The following FOXK1 variants were observed in gnomAD, a reference collection of about 807,000 sequenced individuals.
FOXK1 encodes forkhead box K1.
In FOXK1, 19 loss-of-function variants were observed where a neutral mutation model predicts 51.9. That is an observed-to-expected ratio of 0.37 (90% CI 0.26 to 0.54). The LOEUF (loss-of-function observed/expected upper bound fraction) is 0.54, where lower values mean the gene tolerates loss of function less well. FOXK1 is among the 20% of genes least tolerant of loss of function. FOXK1 has a pLI of 0.87. For missense variants in FOXK1, 870 were observed against 1,032.7 expected (o/e 0.84, Z 2.16); for synonymous variants, 537 against 482.6 (o/e 1.11, Z -1.48).
In FOXK1 at chr7:4,703,814, TAG is replaced by T. The variant is rs1363517862; in HGVS notation, c.560+20952_560+20953del. Among the ~76,000 whole-genome samples, 3 of 152,034 alleles carry T rather than the reference TAG, an allele frequency of 2.0e-5. No individual in the cohort carries two copies. The highest frequency in any genetic ancestry group is 6.6e-5 in the Admixed American group (1 of 15,260). Reference sequence around the variant, plus strand: ...GGGAATCGCAGCCTGCCGAGAGCTTTAGAGAGACTCCCCTAACCATGATTTAA... The same window carrying T: ...GGGAATCGCAGCCTGCCGAGAGCTTTAGAGACTCCCCTAACCATGATTTAA... On this transcript the variant is annotated intron_variant, in intron 1 of 8. Coordinates refer to ENST00000328914, the MANE Select transcript of FOXK1 (RefSeq NM_001037165.2). This position sits in a 1 kb window ranked among gnomAD's most constrained non-coding sequence, Gnocchi z 5.6.
In FOXK1 at chr7:4,719,170, C is replaced by G. The variant is rs144182888; in HGVS notation, c.561-21668C>G. 3.1e-4 allele frequency among the ~76,000 whole-genome samples: 47 copies of G among 149,332 alleles called. 1 individual carries two copies. The East Asian group carries it at 8.7e-3, about 28-fold the overall frequency. On this transcript the variant is annotated intron_variant, in intron 1 of 8. Transcript: ENST00000328914. ...TTTGTTTTTGAGACAGGGTCTCACT[C>G]TGTTGCCCAGCTGGAGTGCGATGGC...
chr7:4,704,831 A>ATTTTTTTTTTTTTTTTTT (rs1780063109), intron 1 of FOXK1, among the ~76,000 whole-genome samples: 1 of 111,980 alleles, frequency 8.9e-6, no homozygotes, highest in African/African-American at 6.2e-5. Flanking sequence ...TCTATGTTTC[A>ATTTTTTTTTTTTTTTTTT]TTCTTTTTTT....
chr7:4,695,412 C>T (rs966658087), intron 1 of FOXK1, among the ~76,000 whole-genome samples: 1 of 152,148 alleles, frequency 6.6e-6, no homozygotes, highest in African/African-American at 2.4e-5. Flanking sequence ...ATCAGGGATG[C>T]CATGGCGAGT....
intron 1 of FOXK1, among the ~76,000 whole-genome samples, chr7:4,693,808 C>A (rs1039576550): frequency 6.6e-6 from 1 of 152,114 alleles, no homozygotes; most frequent in Non-Finnish European, 1.5e-5. Flanking sequence ...CTCAAGTGAT[C>A]CTCTAGCCTC....
At chr7:4,696,442 G>T (rs531297477) in intron 1 of FOXK1, among the ~76,000 whole-genome samples, 2 of 152,294 alleles carry the variant, frequency 1.3e-5, no homozygotes, top group African/African-American at 4.8e-5. Context: ...CGCGTGACAT[G>T]TCTGTCGTCT....
rs568983334 is a variant in FOXK1, at chr7:4,749,956, C to A, written c.747-4503C>A. On this transcript the variant is annotated intron_variant, in intron 2 of 8. Coordinates refer to ENST00000328914, the MANE Select transcript of FOXK1 (RefSeq NM_001037165.2). The surrounding 1 kb of genome is among the most constrained non-coding windows in gnomAD (Gnocchi z 6.0). The stretch of plus-strand genomic sequence containing the variant: ...CCTGCACTGGCATGTCCTGGGTGGT[C>A]CCAGTGGCACCTTCTAGGCCCGGCC... 6.6e-6 allele frequency among the ~76,000 whole-genome samples: 1 copy of A among 152,346 alleles called. No individual in the cohort carries two copies. Among genetic ancestry groups the A allele is most frequent in the Admixed American group, 6.5e-5 (1 of 15,308 alleles).
chr7:4,723,105 C>T lies in FOXK1; in HGVS notation c.561-17733C>T, dbSNP rs779680900. ...CCAAGCCTGTTGACGATGATGGTAA[C>T]GGCACCGTGCTCACTCCAACGCCGT... On this transcript the variant is annotated intron_variant, in intron 1 of 8. Coordinates refer to ENST00000328914, the MANE Select transcript of FOXK1 (RefSeq NM_001037165.2). The surrounding 1 kb of genome is among the most constrained non-coding windows in gnomAD (Gnocchi z 4.7). Among the ~76,000 whole-genome samples the T allele has an allele frequency of 2.0e-5, 3 of 152,024 alleles. No individual in the cohort carries two copies. Among genetic ancestry groups the T allele is most frequent in the Non-Finnish European group, 2.9e-5 (2 of 67,998 alleles).
At chr7:4,698,591 C>T (rs1779981624) in intron 1 of FOXK1, among the ~76,000 whole-genome samples, 1 of 152,092 alleles carries the variant, frequency 6.6e-6, no homozygotes, top group Admixed American at 6.6e-5. Flanking sequence ...CTCCCTGTGC[C>T]ACCCAGGCCG....
chr7:4,754,800 AT>A, intron 3 of FOXK1, 185 bp downstream of exon 3: 1 of 751,020 alleles, frequency 1.3e-6, no homozygotes, highest in Non-Finnish European at 2.1e-6. Context: ...TGCCCAAATC[AT>A]CCCCGTTGGT....
At position 4,723,032 on chromosome 7, in the gene FOXK1, A is replaced by G. The variant is rs1225240415; in HGVS notation, c.561-17806A>G. 6.6e-6 allele frequency among the ~76,000 whole-genome samples: 1 copy of G among 152,066 alleles called. No homozygotes were observed. Among genetic ancestry groups the G allele is most frequent in the East Asian group, 1.9e-4 (1 of 5,184 alleles). ...CAAGAGGCAGCGCTGGGTTCAGATC[A>G]CCACACAACCTGTATCAGCTTGTGA... is the stretch of plus-strand genomic sequence containing the variant. On this transcript the variant is annotated intron_variant, in intron 1 of 8. Transcript: ENST00000328914. The surrounding 1 kb of genome is among the most constrained non-coding windows in gnomAD (Gnocchi z 4.7).
chr7:4,736,476 G>A lies in FOXK1; in HGVS notation c.561-4362G>A, dbSNP rs1780553977. On this transcript the variant is annotated intron_variant, in intron 1 of 8. Coordinates refer to ENST00000328914, the MANE Select transcript of FOXK1 (RefSeq NM_001037165.2). ...TGCCCAGGCTGGAGTGCAGTGGTGC[G>A]TTCTCAGCTCACTGACATGGCCGCC... Among the ~76,000 whole-genome samples, 3 of 150,336 alleles carry A rather than the reference G, an allele frequency of 2.0e-5. No homozygotes were observed. In the South Asian group the frequency reaches 6.3e-4, roughly 31 times the overall value.
rs1331244570 is a variant in FOXK1, at chr7:4,711,962, C to G, written c.561-28876C>G. On this transcript the variant is annotated intron_variant, in intron 1 of 8. Coordinates refer to ENST00000328914, the MANE Select transcript of FOXK1 (RefSeq NM_001037165.2). The surrounding 1 kb of genome is among the most constrained non-coding windows in gnomAD (Gnocchi z 6.3). ...GGGAGGGGCAGAGGGCAGGTGCCGC[C>G]GAGCAGGAGGGAGGACGCGGCAGGT... is the stretch of plus-strand genomic sequence containing the variant. Among the ~76,000 whole-genome samples the G allele has an allele frequency of 1.3e-5, 2 of 151,748 alleles. No homozygotes were observed. Among genetic ancestry groups the G allele is most frequent in the South Asian group, 4.1e-4 (2 of 4,824 alleles).
At position 4,763,319 on chromosome 7, in the gene FOXK1, C is replaced by T. The variant is rs1003268366; in HGVS notation, c.*855C>T. The stretch of plus-strand genomic sequence containing the variant: ...GCCGCAGACATCGCGCTGCTGGGGA[C>T]GATTGGGGCCGCTGCTCTGCAGACC... On this transcript the variant is annotated 3_prime_UTR_variant, in exon 9 of 9. Coordinates refer to ENST00000328914, the MANE Select transcript of FOXK1 (RefSeq NM_001037165.2). The T allele has an allele frequency of 3.9e-5, 6 of 152,224 alleles. No individual in the cohort carries two copies. The highest frequency in any genetic ancestry group is 6.5e-5 in the Admixed American group (1 of 15,282). 9.4% of individuals were successfully genotyped at this position (152,224 alleles called of 1,614,324 possible).
chr7:4,747,687 C>G lies in FOXK1; in HGVS notation c.746+6664C>G, dbSNP rs1780723311. On this transcript the variant is annotated intron_variant, in intron 2 of 8. Transcript: ENST00000328914. The surrounding 1 kb of genome is among the most constrained non-coding windows in gnomAD (Gnocchi z 9.2). ...AGTAGCTAGGACTACAGGCACCCACCACCACACACACCCAGCTCATTTTTT... is the reference window on the plus strand; with the variant it reads ...AGTAGCTAGGACTACAGGCACCCACGACCACACACACCCAGCTCATTTTTT... Among the ~76,000 whole-genome samples the G allele has an allele frequency of 6.6e-6, 1 of 151,130 alleles. No homozygotes were observed. The highest frequency in any genetic ancestry group is 1.5e-5 in the Non-Finnish European group (1 of 67,890).
At position 4,758,113 on chromosome 7, in the gene FOXK1, G is replaced by C. The variant is rs938748222; in HGVS notation, c.1244+926G>C. 4.6e-5 allele frequency: 7 copies of C among 152,316 alleles called. No homozygotes were observed. Among genetic ancestry groups the C allele is most frequent in the African/African-American group, 1.7e-4 (7 of 41,482 alleles). 9.4% of individuals were successfully genotyped at this position (152,316 alleles called of 1,614,324 possible). A position where few individuals can be genotyped will look rare whatever the true frequency, so the allele number is the denominator to read the frequency against. On this transcript the variant is annotated intron_variant, in intron 5 of 8. Transcript: ENST00000328914. The surrounding 1 kb of genome is among the most constrained non-coding windows in gnomAD (Gnocchi z 4.4). ...TGGTAGCACTAAGCTTTCTGTTGCA[G>C]TGTGTGAGAGGACCCGGGGAGAGCC...
chr7:4,759,910 A>T (rs1780909278), intron 7 of FOXK1: 2 of 432,148 alleles, frequency 4.6e-6, no homozygotes, highest in Non-Finnish European at 8.3e-6. Context: ...GCGCTCCTGT[A>T]GTCCCAGCTA....
chr7:4,706,407 C>T (rs1310030623), intron 1 of FOXK1, among the ~76,000 whole-genome samples: 1 of 152,182 alleles, frequency 6.6e-6, no homozygotes, highest in Non-Finnish European at 1.5e-5. Context: ...TCCAGCTAAA[C>T]AGCAAGGGGA....
intron 1 of FOXK1, among the ~76,000 whole-genome samples, chr7:4,724,591 G>C (rs1382061340): frequency 6.6e-6 from 1 of 152,234 alleles, no homozygotes; most frequent in African/African-American, 2.4e-5. Context: ...TCAGGGGTCT[G>C]TGCCTCGTTG....
chr7:4,756,159 G>T lies in FOXK1; in HGVS notation c.1050+776G>T, dbSNP rs555764915. On this transcript the variant is annotated intron_variant, in intron 4 of 8. Coordinates refer to ENST00000328914, the MANE Select transcript of FOXK1 (RefSeq NM_001037165.2). The surrounding 1 kb of genome is among the most constrained non-coding windows in gnomAD (Gnocchi z 4.1). ...AGACAGGATCTCGCTCTGCCATCCC[G>T]GCTGGAGTGTGGTGGCGCGATCTCA... 6.6e-6 allele frequency among the ~76,000 whole-genome samples: 1 copy of T among 152,072 alleles called. No individual in the cohort carries two copies. Among genetic ancestry groups the T allele is most frequent in the Non-Finnish European group, 1.5e-5 (1 of 68,014 alleles).
Sources: allele counts gnomAD v4.1 joint callset (sites outside exome capture counted in the v4.1 genomes callset), GRCh38; gene constraint gnomAD v4.1.1; non-coding constraint Gnocchi (gnomAD v3.1); transcripts MANE v1.5; gene names NCBI Gene and HGNC (gene_info 2026-07-23, HGNC 2026-07-21).